Variants in TRPC7 observed in about 807,000 individuals in gnomAD.
TRPC7 encodes short transient receptor potential channel 7.
In TRPC7, 42 loss-of-function variants were observed where a neutral mutation model predicts 90.1. The ratio of observed to expected loss-of-function variants is 0.47; its 90% CI spans 0.36 to 0.60. TRPC7 has a LOEUF of 0.60. TRPC7 is among the 20% of genes least tolerant of loss of function. The probability of loss-of-function intolerance (pLI) is 0.00; values close to 1 mark genes in which losing one functional copy is unlikely to be tolerated. For missense variants in TRPC7, 955 were observed against 1,112.3 expected, an observed-to-expected ratio of 0.86 and a Z score of 2.01; for synonymous variants, 451 against 436.3, an observed-to-expected ratio of 1.03 and a Z score of -0.42.
intron 3 of TRPC7, among the ~76,000 whole-genome samples, chr5:136,295,170 G>A (rs917056513): frequency 1.6e-4 from 24 of 152,046 alleles, no homozygotes; most frequent in African/African-American, 5.8e-4. Context: ...GATAGCCTTA[G>A]GAGATATACC....
chr5:136,325,495 T>G (rs1243803323), intron 2 of TRPC7, among the ~76,000 whole-genome samples: 4 of 152,296 alleles, frequency 2.6e-5, no homozygotes, highest in South Asian at 2.1e-4. Context: ...ATATTTTGTA[T>G]GCTGATGGGA....
chr5:136,341,472 TATAC>T (rs1335109558), intron 2 of TRPC7, among the ~76,000 whole-genome samples: 1 of 89,124 alleles, frequency 1.1e-5, no homozygotes, highest in Admixed American at 1.3e-4. Context: ...TATACATATA[TATAC>T]ACACACACAC....
Position 136,356,695 on chromosome 5 carries a change from C to T in TRPC7, c.693G>A (p.Leu231=). Residue 231 remains leucine (L), a synonymous_variant, in exon 2 of 12, where the codon TTG becomes TTA. Coordinates refer to ENST00000513104, the MANE Select transcript of TRPC7 (RefSeq NM_020389.3). ...GGACAGGGTCTTCGCTGGACAGGGACAAGTAGGCAGCACTCGCCAGTCCTT... is the reference window on the plus strand; with the variant it reads ...GGACAGGGTCTTCGCTGGACAGGGATAAGTAGGCAGCACTCGCCAGTCCTT... The part of the protein sequence containing the change: ...AYKGLASAAY[L]SLSSEDPVLT... 6.2e-7 allele frequency: 1 copy of T among 1,608,920 alleles called. No individual in the cohort carries two copies. The highest frequency in any genetic ancestry group is 1.1e-5 in the South Asian group (1 of 90,546).
Position 136,354,352 on chromosome 5 carries a change from T to C in TRPC7, c.780+2256A>G, listed in dbSNP as rs552816130. Among the ~76,000 whole-genome samples the C allele has an allele frequency of 3.9e-5, 6 of 152,348 alleles. No homozygotes were observed. The South Asian group carries it at 1.2e-3, about 32-fold the overall frequency. On this transcript the variant is annotated intron_variant, in intron 2 of 11. Transcript: ENST00000513104. ...AAGTTTTTCAGATGAGACCATACAA[T>C]GTAGGATTTAGAGAAGTGGCTTCAA...
At chr5:136,220,662 T>G (rs1367617877) in intron 10 of TRPC7, among the ~76,000 whole-genome samples, 1 of 150,682 alleles carries the variant, frequency 6.6e-6, no homozygotes, top group Non-Finnish European at 1.5e-5. Flanking sequence ...CTTTGCCTTG[T>G]GATCTTTGCT....
chr5:136,293,656 G>C (rs1485569837), intron 3 of TRPC7, among the ~76,000 whole-genome samples: 1 of 152,168 alleles, frequency 6.6e-6, no homozygotes, highest in African/African-American at 2.4e-5. Context: ...CAAGCAAATG[G>C]GAGAACATTC....
chr5:136,272,136 T>A (rs1757231134), intron 4 of TRPC7, among the ~76,000 whole-genome samples: 1 of 152,248 alleles, frequency 6.6e-6, no homozygotes, highest in South Asian at 2.1e-4. Flanking sequence ...TATCAAGGTC[T>A]AAGTTTTCAG....
chr5:136,215,922 T>A (rs1387777257), intron 11 of TRPC7, among the ~76,000 whole-genome samples: 2 of 151,946 alleles, frequency 1.3e-5, no homozygotes, highest in Non-Finnish European at 2.9e-5. Context: ...TGAGGGTGCC[T>A]GATGCCTGCT....
chr5:136,227,220 A>G (rs1332620773), intron 8 of TRPC7, among the ~76,000 whole-genome samples: 1 of 152,154 alleles, frequency 6.6e-6, no homozygotes, highest in Non-Finnish European at 1.5e-5. Flanking sequence ...TTTTGTCTAG[A>G]CAGGTTCCTT....
At chr5:136,322,608 A>G (rs1035047470) in intron 2 of TRPC7, among the ~76,000 whole-genome samples, 2 of 152,106 alleles carry the variant, frequency 1.3e-5, no homozygotes, top group Non-Finnish European at 2.9e-5. Flanking sequence ...GGTTCAAGAG[A>G]TACTCTTGCC....
chr5:136,254,033 T>G (rs1455735278), intron 5 of TRPC7, among the ~76,000 whole-genome samples: 1 of 152,232 alleles, frequency 6.6e-6, no homozygotes, highest in Non-Finnish European at 1.5e-5. Flanking sequence ...ACCCTCACTC[T>G]CTTTAATTCT....
At chr5:136,315,449 G>A (rs1321191519) in intron 3 of TRPC7, 148 bp downstream of exon 3, 1 of 830,568 alleles carries the variant, frequency 1.2e-6, no homozygotes, top group Admixed American at 2.8e-5. Context: ...GCCCTGTGAA[G>A]CTGACAGCTA....
intron 3 of TRPC7, among the ~76,000 whole-genome samples, chr5:136,301,365 A>G (rs1758380418): frequency 8.6e-6 from 1 of 116,290 alleles, no homozygotes; most frequent in Admixed American, 9.2e-5. Context: ...TTTTTTAACA[A>G]ATCATAGTTG....
chr5:136,252,942 G>A (rs1431364730), intron 5 of TRPC7, among the ~76,000 whole-genome samples: 1 of 152,182 alleles, frequency 6.6e-6, no homozygotes, highest in Non-Finnish European at 1.5e-5. Context: ...GCTAATAGTT[G>A]ATGAGTATCC....
rs745537292 is a variant in TRPC7, at chr5:136,251,777, G to A, written c.1451C>T (p.Ala484Val). 3 of 1,613,868 alleles carry A rather than the reference G, an allele frequency of 1.9e-6. No individual in the cohort carries two copies. In the East Asian group the frequency reaches 6.7e-5, roughly 36 times the overall value. ...LDFGMLSIFV[A>V]SFTARFMAFL... ...GGCCATGAAGCGTGCTGTGAAGGAGGCCACGAAGATGGACAGCATCCCGAA... is the reference window on the plus strand; with the variant it reads ...GGCCATGAAGCGTGCTGTGAAGGAGACCACGAAGATGGACAGCATCCCGAA... Residue 484 changes from alanine (A) to valine (V), a missense_variant, in exon 6 of 12, where the codon GCC becomes GTC. By Grantham distance (64) the Ala-to-Val change is moderately conservative. Transcript: ENST00000513104.
At chr5:136,214,851 T>G (rs1320447678) in intron 11 of TRPC7, among the ~76,000 whole-genome samples, 1 of 152,172 alleles carries the variant, frequency 6.6e-6, no homozygotes, top group Admixed American at 6.5e-5. Flanking sequence ...GATGAGGCTG[T>G]TTCTAGGTGG....
chr5:136,346,169 T>C (rs1019609389), intron 2 of TRPC7, among the ~76,000 whole-genome samples: 1 of 152,154 alleles, frequency 6.6e-6, no homozygotes, highest in African/African-American at 2.4e-5. Flanking sequence ...ACATGGCACA[T>C]GTATACATAT....
chr5:136,251,043 T>A (rs1220779452), intron 6 of TRPC7, among the ~76,000 whole-genome samples: 1 of 152,220 alleles, frequency 6.6e-6, no homozygotes, highest in East Asian at 1.9e-4. Flanking sequence ...ATTGTGTGTA[T>A]AAAATGTCTA....
chr5:136,269,979 A>G (rs1274143265), intron 4 of TRPC7, among the ~76,000 whole-genome samples: 1 of 152,234 alleles, frequency 6.6e-6, no homozygotes, highest in Admixed American at 6.5e-5. Context: ...AGGGATTTAC[A>G]AAGCAGGACT....
Sources: allele counts gnomAD v4.1 joint callset (sites outside exome capture counted in the v4.1 genomes callset), GRCh38; gene constraint gnomAD v4.1.1; transcripts MANE v1.5; gene names NCBI Gene and HGNC (gene_info 2026-07-23, HGNC 2026-07-21).